SIL1: variants seen among roughly 807,000 people sequenced by gnomAD.
The protein encoded by SIL1 is nucleotide exchange factor SIL1.
SIL1 carries 40 observed loss-of-function variants against 49.1 expected under a neutral mutation model. The ratio of observed to expected loss-of-function variants is 0.81; its 90% confidence interval spans 0.63 to 1.06. SIL1 has a LOEUF of 1.06. Ranked by LOEUF, SIL1 falls within the 50% of genes least tolerant of loss-of-function variation. The pLI is 0.00. For synonymous variants in SIL1, 253 were observed against 250.8 expected (o/e 1.01, Z -0.08); for missense variants, 500 against 572.6 (o/e 0.87, Z 1.29).
intron 1 of SIL1, 51 bp from the exon 2 acceptor site, chr5:139,127,904 G>T: frequency 1.7e-6 from 2 of 1,161,290 alleles, no homozygotes; most frequent in Admixed American, 2.0e-5. Flanking sequence ...CTAATGCTTG[G>T]TTCCCCCGCA....
chr5:139,022,123 T>G (rs1206615577), intron 6 of SIL1: 2 of 152,330 alleles, frequency 1.3e-5, no homozygotes, highest in Non-Finnish European at 2.9e-5. Flanking sequence ...GATCCTGTTT[T>G]CTACATGTAC....
At chr5:139,090,173 G>A (rs1770311817) in intron 3 of SIL1, among the ~76,000 whole-genome samples, 2 of 152,046 alleles carry the variant, frequency 1.3e-5, no homozygotes, top group Non-Finnish European at 2.9e-5. Flanking sequence ...CTCCCCTCCT[G>A]AGATTTCTTG....
chr5:139,136,726 A>C (rs1750981617), intron 1 of SIL1, among the ~76,000 whole-genome samples: 1 of 152,206 alleles, frequency 6.6e-6, no homozygotes, highest in African/African-American at 2.4e-5. Flanking sequence ...CAAAAGGCTC[A>C]ATGGGTCCAC....
At chr5:139,021,119 G>C in intron 7 of SIL1, 52 bp downstream of exon 7, 5 of 1,613,246 alleles carry the variant, frequency 3.1e-6, no homozygotes, top group Non-Finnish European at 4.2e-6. Flanking sequence ...CTTCTTCCAA[G>C]CAGATCAGGC....
intron 9 of SIL1, among the ~76,000 whole-genome samples, chr5:138,949,701 C>G (rs1248832152): frequency 6.7e-6 from 1 of 149,952 alleles, no homozygotes; most frequent in East Asian, 2.0e-4. Flanking sequence ...GTCCCAGCTA[C>G]TCAGGGGGCT....
At chr5:139,101,831 C>T (rs1465814351) in intron 3 of SIL1, among the ~76,000 whole-genome samples, 1 of 152,190 alleles carries the variant, frequency 6.6e-6, no homozygotes, top group Non-Finnish European at 1.5e-5. Context: ...AATGTGTATT[C>T]TGTTCTTGCT....
At chr5:139,188,763 T>TA in intron 1 of SIL1, among the ~76,000 whole-genome samples, 1 of 152,186 alleles carries the variant, frequency 6.6e-6, no homozygotes, top group East Asian at 1.9e-4. Flanking sequence ...AAGCAAGAGA[T>TA]AAGGAGAACA....
At chr5:139,041,912 C>G (rs1440149183) in intron 5 of SIL1, among the ~76,000 whole-genome samples, 1 of 151,808 alleles carries the variant, frequency 6.6e-6, no homozygotes, top group East Asian at 1.9e-4. Flanking sequence ...AGAGAAGGTT[C>G]TTTCAAAAAC....
At chr5:139,126,985 G>C (rs535360995) in intron 2 of SIL1, among the ~76,000 whole-genome samples, 54 of 152,282 alleles carry the variant, frequency 3.5e-4, no homozygotes, top group African/African-American at 1.2e-3. Context: ...AGGGCATTAG[G>C]AGCTGGTCAA....
intron 5 of SIL1, among the ~76,000 whole-genome samples, chr5:139,036,285 A>C (rs1768909003): frequency 6.6e-6 from 1 of 152,078 alleles, no homozygotes; most frequent in Admixed American, 6.5e-5. Flanking sequence ...TCATAGTTTT[A>C]GGTTAAGTCT....
At chr5:139,093,505 C>A (rs1293616703) in intron 3 of SIL1, among the ~76,000 whole-genome samples, 1 of 152,180 alleles carries the variant, frequency 6.6e-6, no homozygotes. Context: ...ACACAATCTC[C>A]ATACCCTGGC....
intron 2 of SIL1, among the ~76,000 whole-genome samples, chr5:139,121,488 A>C (rs112156554): frequency 1.5e-4 from 23 of 152,344 alleles, no homozygotes; most frequent in African/African-American, 5.3e-4. Flanking sequence ...TGGCAAAACG[A>C]AACAATAAGA....
At chr5:139,051,884 A>G (rs1561843310) in intron 3 of SIL1, among the ~76,000 whole-genome samples, 1 of 152,252 alleles carries the variant, frequency 6.6e-6, no homozygotes, top group African/African-American at 2.4e-5. Flanking sequence ...ATGGAATGCT[A>G]CACACATTCA....
chr5:139,134,969 G>A (rs1041658106), intron 1 of SIL1, among the ~76,000 whole-genome samples: 1 of 152,126 alleles, frequency 6.6e-6, no homozygotes, highest in East Asian at 1.9e-4. Context: ...AACGCAAAGA[G>A]GACACTGAAA....
chr5:139,053,276 T>C (rs1407040784), intron 3 of SIL1, among the ~76,000 whole-genome samples: 9 of 152,170 alleles, frequency 5.9e-5, no homozygotes, highest in South Asian at 2.1e-4. Flanking sequence ...CTCTACCACA[T>C]TGATACCCAA....
At chr5:139,111,333 G>C (rs1224856102) in intron 3 of SIL1, among the ~76,000 whole-genome samples, 3 of 152,164 alleles carry the variant, frequency 2.0e-5, no homozygotes, top group Non-Finnish European at 4.4e-5. Context: ...TCACATTTAT[G>C]AAGCCAAGAC....
rs1174378536 is a variant in SIL1, at chr5:138,948,389, C to T, written c.1030-916G>A. ...AAACACACCCCAATTCTGTCAGCTC[C>T]ACCTTTGTCCCTTGTGTCCTGCGAT... On this transcript the variant is annotated intron_variant, in intron 9 of 9. Transcript: ENST00000394817. This position sits in a 1 kb window ranked among gnomAD's most constrained non-coding sequence, Gnocchi z 4.8. Among the ~76,000 whole-genome samples, 2 of 152,178 alleles carry T rather than the reference C, an allele frequency of 1.3e-5. No homozygotes were observed. The highest frequency in any genetic ancestry group is 1.3e-4 in the Admixed American group (2 of 15,282).
intron 3 of SIL1, among the ~76,000 whole-genome samples, chr5:139,052,397 C>G (rs1769310444): frequency 6.6e-6 from 1 of 152,124 alleles, no homozygotes; most frequent in African/African-American, 2.4e-5. Context: ...CCATTATTTT[C>G]AAGGATAAAA....
chr5:139,171,066 G>A (rs1359983382), intron 1 of SIL1, among the ~76,000 whole-genome samples: 27 of 150,858 alleles, frequency 1.8e-4, no homozygotes, highest in East Asian at 4.0e-4. Context: ...TGCCCCGTCC[G>A]GGAGGGAGGT....
Sources: allele counts gnomAD v4.1 joint callset (sites outside exome capture counted in the v4.1 genomes callset), GRCh38; gene constraint gnomAD v4.1.1; non-coding constraint Gnocchi (gnomAD v3.1); transcripts MANE v1.5; gene names NCBI Gene and HGNC (gene_info 2026-07-23, HGNC 2026-07-21).